The following ZNF280D variants were observed in gnomAD, a reference collection of about 807,000 sequenced individuals.
ZNF280D encodes suppressor of hairy wing homolog 4.
Under a neutral mutation model 94.7 loss-of-function variants are expected in ZNF280D, and 39 were observed. The ratio of observed to expected loss-of-function variants is 0.41; its 90% CI spans 0.32 to 0.54. ZNF280D has a LOEUF of 0.54. Among genes scored for constraint, ZNF280D ranks in the 20% least tolerant of loss-of-function variants. The pLI is 0.22. For missense variants in ZNF280D, 1,090 were observed against 1,149.3 expected (o/e 0.95, Z 0.75); for synonymous variants, 398 against 377.6 (o/e 1.05, Z -0.63).
chr15:56,670,108 A>G (rs1236663138), intron 13 of ZNF280D, among the ~76,000 whole-genome samples: 2 of 122,794 alleles, frequency 1.6e-5, no homozygotes, highest in Non-Finnish European at 3.3e-5. Flanking sequence ...ACATAATTAT[A>G]CAACATATAA....
intron 17 of ZNF280D, among the ~76,000 whole-genome samples, chr15:56,656,003 C>A (rs1405127586): frequency 6.6e-6 from 1 of 152,030 alleles, no homozygotes; most frequent in Non-Finnish European, 1.5e-5. Flanking sequence ...GAAACAATAC[C>A]CATCCTTTAA....
chr15:56,720,352 C>T (rs567883815), intron 1 of ZNF280D, among the ~76,000 whole-genome samples: 1 of 152,308 alleles, frequency 6.6e-6, no homozygotes, highest in East Asian at 1.9e-4. Flanking sequence ...CACTTAGTCA[C>T]ATCTTCAGGC....
intron 17 of ZNF280D, among the ~76,000 whole-genome samples, chr15:56,657,370 T>A (rs2053614593): frequency 6.6e-6 from 1 of 152,146 alleles, no homozygotes; most frequent in Non-Finnish European, 1.5e-5. Flanking sequence ...TTAAAGGAAA[T>A]TTACTTCAAA....
chr15:56,683,886 G>A (rs751481411), intron 9 of ZNF280D, among the ~76,000 whole-genome samples: 40 of 152,134 alleles, frequency 2.6e-4, no homozygotes, highest in Non-Finnish European at 4.3e-4. Flanking sequence ...AGCCAACATC[G>A]GGCAGATGGC....
At chr15:56,634,806 AG>A (rs1475945873) in intron 21 of ZNF280D, among the ~76,000 whole-genome samples, 1 of 152,112 alleles carries the variant, frequency 6.6e-6, no homozygotes, top group Non-Finnish European at 1.5e-5. Context: ...GTAGTCTTAT[AG>A]CTTTTTGAAA....
In ZNF280D at chr15:56,708,217, G is replaced by A. The variant is rs112039471; in HGVS notation, c.-85-911C>T. On this transcript the variant is annotated intron_variant, in intron 1 of 21. Coordinates refer to ENST00000267807, the MANE Select transcript of ZNF280D (RefSeq NM_017661.4). ...GTATGTAAACTGAATTACTACAAAGGAAAAATTATTACTTTAATTTCAGAA... is the reference window on the plus strand; with the variant it reads ...GTATGTAAACTGAATTACTACAAAGAAAAAATTATTACTTTAATTTCAGAA... Among the ~76,000 whole-genome samples the A allele has an allele frequency of 1.2e-3, 181 of 152,024 alleles. 5 individuals carry two copies. The highest frequency in any genetic ancestry group is 4.2e-3 in the African/African-American group (176 of 41,478).
At chr15:56,634,770 G>T (rs1334316155) in intron 21 of ZNF280D, among the ~76,000 whole-genome samples, 3 of 152,012 alleles carry the variant, frequency 2.0e-5, no homozygotes, top group African/African-American at 7.2e-5. Context: ...CCTGAGTTTT[G>T]AAACTATTGT....
At chr15:56,650,618 G>A (rs186690081) in intron 19 of ZNF280D, among the ~76,000 whole-genome samples, 4 of 152,118 alleles carry the variant, frequency 2.6e-5, no homozygotes, top group African/African-American at 9.7e-5. Context: ...AACCAGTTAA[G>A]TAGCCTAGTT....
intron 19 of ZNF280D, chr15:56,645,083 T>C (rs1394208552): frequency 6.6e-6 from 1 of 152,172 alleles, no homozygotes; most frequent in African/African-American, 2.4e-5. Flanking sequence ...TACTTTAAGA[T>C]TAATACTACT....
chr15:56,641,198 A>G (rs886100336), intron 20 of ZNF280D, among the ~76,000 whole-genome samples: 1 of 151,942 alleles, frequency 6.6e-6, no homozygotes, highest in Non-Finnish European at 1.5e-5. Context: ...CTCTTGCTCA[A>G]GTTTTATGTT....
At chr15:56,667,029 T>C (rs749350871) in intron 14 of ZNF280D, 43 bp from the exon 15 acceptor site, 1 of 1,323,566 alleles carries the variant, frequency 7.6e-7, no homozygotes, top group Non-Finnish European at 1.0e-6. Context: ...GATTAATCAG[T>C]ACATTAATAT....
intron 4 of ZNF280D, among the ~76,000 whole-genome samples, chr15:56,702,805 T>C (rs978808181): frequency 4.6e-5 from 7 of 151,878 alleles, no homozygotes; most frequent in Non-Finnish European, 1.0e-4. Context: ...CTGATAAAAC[T>C]GAATAAAGGT....
intron 11 of ZNF280D, 116 bp downstream of exon 11, chr15:56,678,548 C>G: frequency 2.9e-6 from 3 of 1,021,028 alleles, no homozygotes; most frequent in Middle Eastern, 7.1e-4. Context: ...ATTTTGCCCT[C>G]AAATTCCAAA....
At chr15:56,704,474 G>A (rs1212831392) in intron 3 of ZNF280D, among the ~76,000 whole-genome samples, 1 of 152,158 alleles carries the variant, frequency 6.6e-6, no homozygotes, top group Non-Finnish European at 1.5e-5. Context: ...TAGATAAACA[G>A]ATAATCAATG....
intron 14 of ZNF280D, among the ~76,000 whole-genome samples, chr15:56,667,303 CTT>C (rs777714154): frequency 6.6e-6 from 1 of 152,072 alleles, no homozygotes; most frequent in Non-Finnish European, 1.5e-5. Flanking sequence ...CCTGACTTAA[CTT>C]TAAGAAATTC....
intron 17 of ZNF280D, among the ~76,000 whole-genome samples, chr15:56,657,505 C>T (rs1451213344): frequency 4.6e-5 from 7 of 152,200 alleles, no homozygotes; most frequent in South Asian, 2.1e-4. Context: ...CCTCTGGACA[C>T]CACCTTTCCA....
chr15:56,630,405 G>A lies in ZNF280D; in HGVS notation c.*1093C>T, dbSNP rs545849737. 2.6e-5 allele frequency: 4 copies of A among 152,002 alleles called. No individual in the cohort carries two copies. The highest frequency in any genetic ancestry group is 4.4e-5 in the Non-Finnish European group (3 of 67,950). The allele number at this position is 152,002 out of a possible 1,614,324, so 9.4% of individuals were successfully genotyped here. ...TTTCTATATCTATTATATTCTAGAT[G>A]ATAAAAAGAACTGAAAAATCAATTT... On this transcript the variant is annotated 3_prime_UTR_variant, in exon 22 of 22. Coordinates refer to ENST00000267807, the MANE Select transcript of ZNF280D (RefSeq NM_017661.4).
Position 56,658,408 on chromosome 15 carries a change from A to C in ZNF280D, c.2057+16T>G, listed in dbSNP as rs1414528169. 2.5e-6 allele frequency: 4 copies of C among 1,575,712 alleles called. No individual in the cohort carries two copies. The East Asian group carries it at 9.1e-5, about 36-fold the overall frequency. Reference sequence around the variant, plus strand: ...AATTTTTCAATAGAAAGAGTAAAAAAAGATCAACTAGTTACCGGAGATTTT... The same window carrying C: ...AATTTTTCAATAGAAAGAGTAAAAACAGATCAACTAGTTACCGGAGATTTT... On this transcript the variant is annotated intron_variant, in intron 17 of 21. Coordinates refer to ENST00000267807, the MANE Select transcript of ZNF280D (RefSeq NM_017661.4).
At chr15:56,709,824 C>G (rs748428985) in intron 1 of ZNF280D, among the ~76,000 whole-genome samples, 57 of 151,924 alleles carry the variant, frequency 3.8e-4, no homozygotes, top group Non-Finnish European at 7.1e-4. Context: ...CACTTGGACA[C>G]AGGAAGGGGA....
Sources: allele counts gnomAD v4.1 joint callset (sites outside exome capture counted in the v4.1 genomes callset), GRCh38; gene constraint gnomAD v4.1.1; transcripts MANE v1.5; gene names NCBI Gene and HGNC (gene_info 2026-07-23, HGNC 2026-07-21).